Variants in CRB1 observed in about 807,000 individuals in gnomAD.
CRB1 encodes the protein crumbs cell polarity complex component 1, also known as protein crumbs homolog 1.
A neutral mutation model predicts 120.0 loss-of-function variants in CRB1; 83 were observed. The ratio of observed to expected loss-of-function variants is 0.69; its 90% CI spans 0.58 to 0.83. CRB1 has a LOEUF of 0.83. Among genes scored for constraint, CRB1 ranks in the 40% least tolerant of loss-of-function variants. CRB1 has a pLI of 0.00. For missense variants in CRB1, 1,699 were observed against 1,687.6 expected, an observed-to-expected ratio of 1.01 and a Z score of -0.12; for synonymous variants, 625 against 612.5, an observed-to-expected ratio of 1.02 and a Z score of -0.30.
At chr1:197,452,267 T>G (rs1666011482) in intron 11 of CRB1, among the ~76,000 whole-genome samples, 1 of 152,180 alleles carries the variant, frequency 6.6e-6, no homozygotes, top group Non-Finnish European at 1.5e-5. Flanking sequence ...AGTCTCAGAG[T>G]ACTCTAGGCC....
intron 1 of CRB1, among the ~76,000 whole-genome samples, chr1:197,315,002 C>T (rs1657758693): frequency 1.3e-5 from 2 of 152,156 alleles, no homozygotes; most frequent in Admixed American, 6.5e-5. Flanking sequence ...TGACCTCATC[C>T]TCTTCAGCTC....
chr1:197,369,256 A>T (rs900035666), intron 5 of CRB1, among the ~76,000 whole-genome samples: 2 of 152,182 alleles, frequency 1.3e-5, no homozygotes, highest in African/African-American at 4.8e-5. Context: ...ATGATTAATT[A>T]TAGCTCTTTT....
chr1:197,327,351 A>G (rs1462893939), intron 1 of CRB1, among the ~76,000 whole-genome samples: 1 of 152,270 alleles, frequency 6.6e-6, no homozygotes, highest in African/African-American at 2.4e-5. Flanking sequence ...CAATAGAACT[A>G]TCAAGGACAA....
intron 1 of CRB1, among the ~76,000 whole-genome samples, chr1:197,297,008 C>A (rs1027337048): frequency 3.9e-5 from 6 of 152,030 alleles, no homozygotes; most frequent in African/African-American, 1.4e-4. Context: ...ATACACAAGT[C>A]TCCTCCTTGA....
the CRB1 span, among the ~76,000 whole-genome samples, chr1:197,259,816 A>T: frequency 6.6e-6 from 1 of 152,158 alleles, no homozygotes; most frequent in African/African-American, 2.4e-5. Context: ...TTAGAAAACT[A>T]TCTGGAAGAT....
the CRB1 span, chr1:197,222,673 A>G: frequency 3.8e-6 from 3 of 785,372 alleles, no homozygotes; most frequent in African/African-American, 1.7e-5. Flanking sequence ...GGACAGCTCC[A>G]TAATTACTTG....
At position 197,319,259 on chromosome 1, in the gene CRB1, T is replaced by TAAAAAAAAAAAAAAAAAAAAA. The variant is rs1284967148; in HGVS notation, c.71-9144_71-9143insAAAAAAAAAAAAAAAAAAAAA. Among the ~76,000 whole-genome samples the TAAAAAAAAAAAAAAAAAAAAA allele has an allele frequency of 4.1e-4, 20 of 49,040 alleles. 2 individuals carry two copies. The highest frequency in any genetic ancestry group is 1.8e-3 in the African/African-American group (20 of 11,414). The allele number at this position is 49,040 out of a possible 152,430, so 32.2% of individuals were successfully genotyped here. A position where few individuals can be genotyped will look rare whatever the true frequency, so the allele number is the denominator to read the frequency against. ...CAACATAGTGAAACCCTGTCTCTAC[T>TAAAAAAAAAAAAAAAAAAAAA]AAAAAAAAAAAAAAAAAAATTAGCC... On this transcript the variant is annotated intron_variant, in intron 1 of 11. Coordinates refer to ENST00000367400, the MANE Select transcript of CRB1 (RefSeq NM_201253.3).
intron 1 of CRB1, among the ~76,000 whole-genome samples, chr1:197,307,940 A>G (rs1285887781): frequency 6.6e-6 from 1 of 152,194 alleles, no homozygotes; most frequent in Admixed American, 6.5e-5. Context: ...TACTGGGTAT[A>G]TATACCTCAA....
the CRB1 span, among the ~76,000 whole-genome samples, chr1:197,257,028 A>G: frequency 6.6e-6 from 1 of 151,608 alleles, no homozygotes; most frequent in East Asian, 1.9e-4. Flanking sequence ...TGCAAACTGG[A>G]GAACCAGAAA....
chr1:197,364,025 A>G lies in CRB1; in HGVS notation c.1171+7012A>G, dbSNP rs1018495060. 9.8e-5 allele frequency: 136 copies of G among 1,384,326 alleles called. 7 individuals are homozygous for G. Among genetic ancestry groups the G allele is most frequent in the Non-Finnish European group, 1.3e-4 (126 of 976,582 alleles). The allele number at this position is 1,384,326 out of a possible 1,614,324, so 85.8% of individuals were successfully genotyped here. A position where few individuals can be genotyped will look rare whatever the true frequency, so the allele number is the denominator to read the frequency against. On this transcript the variant is annotated intron_variant, in intron 5 of 11. Transcript: ENST00000367400. ...CGGATCTACAGTATGGAAATGGCTC[A>G]CAAGATCAACTTCTTGATGCGAAAG... is the stretch of plus-strand genomic sequence containing the variant.
intron 2 of CRB1, 27 bp from the exon 3 acceptor site, chr1:197,344,245 CTTTTTCTGT>C (rs1364265762): frequency 6.2e-7 from 1 of 1,603,814 alleles, no homozygotes; most frequent in South Asian, 1.1e-5. Context: ...TTTGCTAAAA[CTTTTTCTGT>C]TTTTTCTGTG....
At chr1:197,459,176 G>C (rs1666415686) in intron 11 of CRB1, among the ~76,000 whole-genome samples, 1 of 152,100 alleles carries the variant, frequency 6.6e-6, no homozygotes, top group African/African-American at 2.4e-5. Context: ...AAGATTAGAT[G>C]ATGGATTCCC....
At position 197,429,486 on chromosome 1, in the gene CRB1, G is replaced by A. The variant is rs114052315; in HGVS notation, c.2714G>A (p.Arg905Gln). 269 of 1,613,932 alleles carry A rather than the reference G, an allele frequency of 1.7e-4. No homozygotes were observed. In the East Asian group the frequency reaches 4.7e-3, roughly 28 times the overall value. The change falls in exon 8 of 12, where the codon CGG (arginine) becomes CAG (glutamine). Residue 905 changes from arginine (R) to glutamine (Q), a missense_variant. Transcript: ENST00000367400. Reference protein sequence around the residue: ...PCHNGGVCHSRWDDFSCSCPA... With the variant: ...PCHNGGVCHSQWDDFSCSCPA... Reference sequence around the variant, plus strand: ...CACAATGGAGGTGTTTGCCATTCCCGGTGGGATGACTTCTCCTGTTCCTGT... The same window carrying A: ...CACAATGGAGGTGTTTGCCATTCCCAGTGGGATGACTTCTCCTGTTCCTGT...
intron 10 of CRB1, 101 bp from the exon 11 acceptor site, chr1:197,442,065 A>G: frequency 7.5e-7 from 1 of 1,334,654 alleles, no homozygotes; most frequent in Non-Finnish European, 1.1e-6. Context: ...GGTAGATAAG[A>G]CTGTGCTGTT....
chr1:197,284,514 C>T (rs1226347729), intron 1 of CRB1, among the ~76,000 whole-genome samples: 1 of 151,854 alleles, frequency 6.6e-6, no homozygotes, highest in African/African-American at 2.4e-5. Flanking sequence ...CCCAATTACT[C>T]GTTAAACAAC....
At chr1:197,312,254 C>A (rs1350996544) in intron 1 of CRB1, among the ~76,000 whole-genome samples, 4 of 152,112 alleles carry the variant, frequency 2.6e-5, no homozygotes. Flanking sequence ...AATATGCAAC[C>A]TCTGTCAGTC....
At chr1:197,304,408 G>C in intron 1 of CRB1, 2 of 981,882 alleles carry the variant, frequency 2.0e-6, no homozygotes, top group Non-Finnish European at 2.4e-6. Context: ...CATGTGCTCA[G>C]GAAAGGTAAA....
Position 197,453,504 on chromosome 1 carries a change from G to A in CRB1, c.4005+11212G>A, listed in dbSNP as rs1024135793. On this transcript the variant is annotated intron_variant, in intron 11 of 11. Transcript: ENST00000367400. ...AATAACTGTGTGTGTATATATATGTGTATATATATGTGTGTGTGTGTATAT... is the reference window on the plus strand; with the variant it reads ...AATAACTGTGTGTGTATATATATGTATATATATATGTGTGTGTGTGTATAT... 9.4e-4 allele frequency among the ~76,000 whole-genome samples: 131 copies of A among 138,672 alleles called. 1 individual carries two copies. The highest frequency in any genetic ancestry group is 3.3e-3 in the African/African-American group (126 of 38,364). The allele number at this position is 138,672 out of a possible 152,430, so 91.0% of individuals were successfully genotyped here. A position where few individuals can be genotyped will look rare whatever the true frequency, so the allele number is the denominator to read the frequency against.
intron 11 of CRB1, among the ~76,000 whole-genome samples, chr1:197,461,755 C>T (rs1666542535): frequency 6.6e-6 from 1 of 152,132 alleles, no homozygotes; most frequent in Non-Finnish European, 1.5e-5. Flanking sequence ...TTCCCCTCTA[C>T]CTGGCAAACA....
Sources: gnomAD v4.1 joint callset for allele counts (sites outside exome capture counted in the v4.1 genomes callset) on GRCh38, gnomAD v4.1.1 for gene constraint, MANE v1.5 for transcripts, NCBI Gene and HGNC (gene_info 2026-07-23, HGNC 2026-07-21) for gene names.